Variants in COL4A3 observed in about 807,000 individuals in gnomAD.
COL4A3 encodes collagen alpha-3(IV) chain.
Under a neutral mutation model 217.4 loss-of-function variants are expected in COL4A3, and 135 were observed. That is an observed-to-expected ratio of 0.62 (90% CI 0.54 to 0.72). The LOEUF (loss-of-function observed/expected upper bound fraction) is 0.72. Ranked by LOEUF, COL4A3 falls within the 30% of genes least tolerant of loss-of-function variation. The pLI is 0.00. For missense variants in COL4A3, 1,868 were observed against 2,119.9 expected, an observed-to-expected ratio of 0.88 and a Z score of 2.33; for synonymous variants, 690 against 736.3, an observed-to-expected ratio of 0.94 and a Z score of 1.02.
intron 27 of COL4A3, among the ~76,000 whole-genome samples, chr2:227,277,217 G>A (rs2071623358): frequency 6.6e-6 from 1 of 151,878 alleles, no homozygotes. Flanking sequence ...TACTCGGGAG[G>A]CTGAGGCGGG....
At chr2:227,171,633 G>A (rs766036877) in intron 1 of COL4A3, among the ~76,000 whole-genome samples, 1 of 152,180 alleles carries the variant, frequency 6.6e-6, no homozygotes, top group Non-Finnish European at 1.5e-5. Context: ...CTGGAGGCTG[G>A]AAAGTCCAAG....
chr2:227,251,925 C>T (rs1365046499), intron 11 of COL4A3, among the ~76,000 whole-genome samples: 5 of 151,590 alleles, frequency 3.3e-5, no homozygotes, highest in Non-Finnish European at 5.9e-5. Flanking sequence ...AAAAATTAGC[C>T]GGGCATGGTG....
chr2:227,251,195 G>C lies in COL4A3; in HGVS notation c.602G>C (p.Gly201Ala). ...CCTGTTGGCCCACCTGGTCCTCCGGGATTCTTTGTGAGTATCAAGTCATCC... is the reference window on the plus strand; with the variant it reads ...CCTGTTGGCCCACCTGGTCCTCCGGCATTCTTTGTGAGTATCAAGTCATCC... ...PGPVGPPGPP[G>A]FFGFPGAMGP... The change falls in exon 10 of 52, where the codon GGA becomes GCA. Residue 201 changes from glycine to alanine, a missense_variant. Around this residue, in one of 2 missense-constraint regions of COL4A3, gnomAD observed 365 missense variants for 333.8 expected, o/e 1.09. Transcript: ENST00000396578. The C allele has an allele frequency of 3.7e-6, 6 of 1,613,452 alleles. No homozygotes were observed. The highest frequency in any genetic ancestry group is 5.1e-6 in the Non-Finnish European group (6 of 1,179,502).
In COL4A3 at chr2:227,312,062, CTG is replaced by C. The variant is rs1395772973; in HGVS notation, c.*195_*196del. On this transcript the variant is annotated 3_prime_UTR_variant, in exon 52 of 52. Coordinates refer to ENST00000396578, the MANE Select transcript of COL4A3 (RefSeq NM_000091.5). ...CAGTTCTGTGATCTGGGTCTCTAAT[CTG>C]TGCTGTTTCAAAGTTCTCTGTGGCA... 2.9e-6 allele frequency: 3 copies of C among 1,021,376 alleles called. No individual in the cohort carries two copies. The African/African-American group carries it at 4.9e-5, about 17-fold the overall frequency. 63.3% of individuals were successfully genotyped at this position (1,021,376 alleles called of 1,614,324 possible).
intron 46 of COL4A3, 58 bp downstream of exon 46, chr2:227,304,202 G>C: frequency 1.2e-6 from 2 of 1,606,104 alleles, no homozygotes. Flanking sequence ...CAAAATACCT[G>C]TAAACTGCTT....
chr2:227,278,689 A>G (rs575113484), intron 28 of COL4A3, among the ~76,000 whole-genome samples: 19 of 152,282 alleles, frequency 1.2e-4, no homozygotes, highest in Non-Finnish European at 2.5e-4. Context: ...GCATTAATAA[A>G]TTACATCCCT....
Position 227,298,020 on chromosome 2 carries a change from A to C in COL4A3, c.3751+161A>C, listed in dbSNP as rs372901064. Among the ~76,000 whole-genome samples, 29 of 152,294 alleles carry C rather than the reference A, an allele frequency of 1.9e-4. No homozygotes were observed. The East Asian group carries it at 4.4e-3, about 23-fold the overall frequency. On this transcript the variant is annotated intron_variant, in intron 42 of 51. Coordinates refer to ENST00000396578, the MANE Select transcript of COL4A3 (RefSeq NM_000091.5). ...TCCCATACCCAGCAGTTGTCAAGGCAAGGTAGCCTGTTTGAGGGATGCATA... is the reference window on the plus strand; with the variant it reads ...TCCCATACCCAGCAGTTGTCAAGGCCAGGTAGCCTGTTTGAGGGATGCATA...
intron 1 of COL4A3, among the ~76,000 whole-genome samples, chr2:227,193,630 T>C (rs1165096365): frequency 2.0e-5 from 3 of 151,560 alleles, no homozygotes; most frequent in Non-Finnish European, 4.4e-5. Context: ...GAGAATCTCT[T>C]GAACCAGGGA....
rs555034953 is a variant in COL4A3 at position 227,246,716 on chromosome 2, C to T, written c.419C>T (p.Thr140Ile). The T allele has an allele frequency of 1.1e-5, 17 of 1,612,610 alleles. No homozygotes were observed. The highest frequency in any genetic ancestry group is 2.2e-5 in the East Asian group (1 of 44,832). ...GEQGFPGLPGTLGYPGIPGAA... is the reference protein window; with the variant it reads ...GEQGFPGLPGILGYPGIPGAA... ...CAGGGGTTTCCAGGACTCCCAGGGA[C>T]ACTGGGCTACCCAGGGATCCCGGTA... Residue 140 changes from threonine (T) to isoleucine (I), a missense_variant, in exon 7 of 52, where the codon ACA becomes ATA. Physicochemically the swap from Thr to Ile is moderately conservative, Grantham distance 89. This residue lies in a region of COL4A3 where 365 missense variants were observed against 333.8 expected (regional missense o/e 1.09). Transcript: ENST00000396578.
intron 1 of COL4A3, among the ~76,000 whole-genome samples, chr2:227,220,280 TC>T (rs1280899251): frequency 6.8e-6 from 1 of 147,040 alleles, no homozygotes; most frequent in Admixed American, 7.0e-5. Flanking sequence ...CCTCCCAGGT[TC>T]ACGTGATTAT....
rs1574652764 is a variant in COL4A3 at position 227,237,850 on chromosome 2, C to G, written c.88-118C>G. ...GATATATTGCTACAAGGTCACCTGG[C>G]TCCTAACAGATAGTGTCCAATACTC... On this transcript the variant is annotated intron_variant, in intron 1 of 51. Coordinates refer to ENST00000396578, the MANE Select transcript of COL4A3 (RefSeq NM_000091.5). The G allele has an allele frequency of 9.3e-6, 7 of 753,772 alleles. No individual in the cohort carries two copies. In the East Asian group the frequency reaches 1.8e-4, roughly 20 times the overall value. 46.7% of individuals were successfully genotyped at this position (753,772 alleles called of 1,614,324 possible).
At position 227,290,903 on chromosome 2, in the gene COL4A3, A is replaced by G. The variant is rs2072657563; in HGVS notation, c.3210+17A>G. 6.2e-7 allele frequency: 1 copy of G among 1,606,478 alleles called. No individual in the cohort carries two copies. The highest frequency in any genetic ancestry group is 8.5e-7 in the Non-Finnish European group (1 of 1,177,298). ...GGACCAACGGTATATAGGCCACTGA[A>G]ATATTTACATTTTAGTGGTGGAGTG... On this transcript the variant is annotated intron_variant, in intron 37 of 51. Transcript: ENST00000396578.
Position 227,270,789 on chromosome 2 carries a change from G to T in COL4A3, c.1595G>T (p.Gly532Val). ...CCCTAGGGTTTCCCAGGTGCCCAGG[G>T]TGACCCAGGACTTAAAGGAGAAAAA... ...PGFPGFPGAQ[G>V]DPGLKGEKGE... The change falls in exon 25 of 52, where the codon GGT (glycine) becomes GTT (valine). Residue 532 changes from glycine to valine, a missense_variant. Physicochemically the swap from Gly to Val is moderately radical, Grantham distance 109. Transcript: ENST00000396578. 1 of 1,614,128 alleles carries T rather than the reference G, an allele frequency of 6.2e-7. No individual in the cohort carries two copies. The highest frequency in any genetic ancestry group is 8.5e-7 in the Non-Finnish European group (1 of 1,180,012).
chr2:227,289,003 T>C (rs1367167302), intron 34 of COL4A3, 147 bp from the exon 35 acceptor site: 2 of 631,650 alleles, frequency 3.2e-6, no homozygotes, highest in African/African-American at 1.9e-5. Flanking sequence ...CACGCTGGAG[T>C]GCAGTGGCAC....
intron 26 of COL4A3, among the ~76,000 whole-genome samples, chr2:227,274,472 G>T: frequency 6.7e-6 from 1 of 148,466 alleles, no homozygotes. Context: ...AAATATTTAT[G>T]TTTATCTGCA....
intron 1 of COL4A3, among the ~76,000 whole-genome samples, chr2:227,229,228 C>T (rs1399126049): frequency 1.3e-5 from 2 of 151,896 alleles, no homozygotes; most frequent in African/African-American, 4.9e-5. Context: ...TCCTGGAAGG[C>T]TTGCTGCCTT....
chr2:227,194,554 C>T (rs996003444), intron 1 of COL4A3, among the ~76,000 whole-genome samples: 28 of 152,168 alleles, frequency 1.8e-4, no homozygotes, highest in African/African-American at 6.8e-4. Context: ...TGGTCAGCCC[C>T]TTAAGACAAG....
At position 227,250,653 on chromosome 2, in the gene COL4A3, T is replaced by C. The variant is rs946705113; in HGVS notation, c.547-487T>C. 6.6e-6 allele frequency among the ~76,000 whole-genome samples: 1 copy of C among 152,050 alleles called. No homozygotes were observed. Among genetic ancestry groups the C allele is most frequent in the Admixed American group, 6.6e-5 (1 of 15,264 alleles). On this transcript the variant is annotated intron_variant, in intron 9 of 51. Transcript: ENST00000396578. This position sits in a 1 kb window ranked among gnomAD's most constrained non-coding sequence, Gnocchi z 4.1. ...TAATGCACGAAAGCAGGATAGGAAG[T>C]GTCTGGGTTGGAAGGTGGGTTACAA...
At chr2:227,293,910 C>A (rs1032101780) in intron 38 of COL4A3, 5 of 383,118 alleles carry the variant, frequency 1.3e-5, no homozygotes. Flanking sequence ...ACCCTACTGA[C>A]CTCATTTTAA....
Sources: allele counts gnomAD v4.1 joint callset (sites outside exome capture counted in the v4.1 genomes callset), GRCh38; gene constraint gnomAD v4.1.1; regional missense constraint gnomAD v4.1.1; non-coding constraint Gnocchi (gnomAD v3.1); transcripts MANE v1.5; gene names NCBI Gene and HGNC (gene_info 2026-07-23, HGNC 2026-07-21).